ZNF671: variants seen among roughly 807,000 people sequenced by gnomAD.
ZNF671 encodes the protein hypothetical protein FLJ23506.
ZNF671 carries 19 observed loss-of-function variants against 16.6 expected under a neutral mutation model. That is an observed-to-expected ratio of 1.14 (90% CI 0.80 to 1.68). ZNF671 has a LOEUF of 1.68. Ranked by LOEUF, ZNF671 falls within the 40% of genes most tolerant of loss-of-function variation. The pLI, the probability that ZNF671 is intolerant of heterozygous loss-of-function variation, is 0.00. For synonymous variants in ZNF671, 238 were observed against 236.3 expected, an observed-to-expected ratio of 1.01 and a Z score of -0.06; for missense variants, 637 against 659.8, an observed-to-expected ratio of 0.97 and a Z score of 0.38.
chr19:57,724,645 C>T (rs900403194), intron 1 of ZNF671, among the ~76,000 whole-genome samples: 1 of 152,126 alleles, frequency 6.6e-6, no homozygotes, highest in African/African-American at 2.4e-5. Context: ...CCTGCCTCAG[C>T]CTCCCGAGTA....
chr19:57,721,284 G>C lies in ZNF671; in HGVS notation c.802C>G (p.Pro268Ala). The change falls in exon 4 of 4, where the codon CCC (proline) becomes GCC (alanine). Residue 268 changes from proline to alanine, a missense_variant. Physicochemically the swap from Pro to Ala is conservative, Grantham distance 27. Coordinates refer to ENST00000317398, the MANE Select transcript of ZNF671 (RefSeq NM_024833.3). The part of the protein sequence containing the change: ...QHQASLSSMK[P>A]HKSTKLVSGF... ...CTCACAAGCTTAGTGCTCTTGTGGG[G>C]CTTCATGCTGCTGAGAGAGGCCTGA... 6.3e-7 allele frequency: 1 copy of C among 1,592,748 alleles called. No homozygotes were observed. The highest frequency in any genetic ancestry group is 1.3e-5 in the African/African-American group (1 of 74,674).
chr19:57,720,515 A>G lies in ZNF671; in HGVS notation c.1571T>C (p.Leu524Pro). 1 of 1,614,204 alleles carries G rather than the reference A, an allele frequency of 6.2e-7. No homozygotes were observed. The highest frequency in any genetic ancestry group is 8.5e-7 in the Non-Finnish European group (1 of 1,179,986). Reference protein sequence around the residue: ...REFIRKQTLVLHQRVHAGEKL With the variant: ...REFIRKQTLVPHQRVHAGEKL ...TTCTCCAGCATGAACCCTCTGGTGC[A>G]GAACAAGTGTCTGTTTCCGGATGAA... The change falls in exon 4 of 4, where the codon CTG becomes CCG. Residue 524 changes from leucine (L) to proline (P), a missense_variant. Coordinates refer to ENST00000317398, the MANE Select transcript of ZNF671 (RefSeq NM_024833.3).
intron 1 of ZNF671, among the ~76,000 whole-genome samples, chr19:57,724,959 CAA>C (rs1883199518): frequency 6.6e-6 from 1 of 152,180 alleles, no homozygotes; most frequent in South Asian, 2.1e-4. Context: ...CCAGCTACAT[CAA>C]AAGAGTCTGG....
chr19:57,721,423 T>C lies in ZNF671; in HGVS notation c.663A>G (p.Pro221=). 6.2e-7 allele frequency: 1 copy of C among 1,614,236 alleles called. No homozygotes were observed. Among genetic ancestry groups the C allele is most frequent in the Non-Finnish European group, 8.5e-7 (1 of 1,180,044 alleles). ...QNQPNGGKLF[P]RKEGRDSVKS... is the part of the protein sequence containing the mutation. ...TCACAGAGTCTCTGCCCTCCTTCCT[T>C]GGGAAAAGTTTCCCTCCATTGGGCT... The change falls in exon 4 of 4, where the codon CCA becomes CCG. Residue 221 remains proline, a synonymous_variant. Transcript: ENST00000317398.
rs1268276290 is a variant in ZNF671, at chr19:57,722,903, AAAG to A, written c.265+308_265+310del. 5.9e-5 allele frequency among the ~76,000 whole-genome samples: 9 copies of A among 151,708 alleles called. No homozygotes were observed. In the East Asian group the frequency reaches 1.7e-3, roughly 29 times the overall value. On this transcript the variant is annotated intron_variant, in intron 2 of 3. Transcript: ENST00000317398. Reference sequence around the variant, plus strand: ...GAGCCAGACCCTGACTCAAAAAAAAAAAGAAAAGAAAATGTCACCTGGAGAAAG... The same window carrying A: ...GAGCCAGACCCTGACTCAAAAAAAAAAAAAGAAAATGTCACCTGGAGAAAG...
At chr19:57,727,237 T>G in intron 1 of ZNF671, 154 bp downstream of exon 1, 1 of 1,113,608 alleles carries the variant, frequency 9.0e-7, no homozygotes, top group Middle Eastern at 3.2e-4. Flanking sequence ...ACCTGCGCCG[T>G]CCCCTCCGCC....
chr19:57,721,502 C>G lies in ZNF671; in HGVS notation c.584G>C (p.Gly195Ala). 6.2e-7 allele frequency: 1 copy of G among 1,614,198 alleles called. No homozygotes were observed. The highest frequency in any genetic ancestry group is 8.5e-7 in the Non-Finnish European group (1 of 1,180,042). ...GKARQKPYLC[G>A]ACGKQFWFST... ...GAACCAGAATTGCTTTCCACATGCC[C>G]CACACAAGTATGGTTTCTGCCTGGC... Residue 195 changes from glycine to alanine, a missense_variant, in exon 4 of 4, where the codon GGG becomes GCG. Coordinates refer to ENST00000317398, the MANE Select transcript of ZNF671 (RefSeq NM_024833.3).
At chr19:57,723,149 C>T (rs1051662472) in intron 2 of ZNF671, 65 bp downstream of exon 2, 18 of 1,521,874 alleles carry the variant, frequency 1.2e-5, no homozygotes, top group South Asian at 3.9e-5. Context: ...GTGAAGGAAG[C>T]GGTGCTCATG....
At position 57,722,374 on chromosome 19, in the gene ZNF671, A is replaced by G. The variant is rs752232011; in HGVS notation, c.330T>C (p.Tyr110=). Residue 110 remains tyrosine, a synonymous_variant, in exon 3 of 4, where the codon TAT becomes TAC. Transcript: ENST00000317398. The part of the protein sequence containing the change: ...KLERGEEPWV[Y]DQVDMTSATE... ...TGGCTGAAGTCATATCCACCTGGTC[A>G]TACACCCAGGGCTCTTCTCCTCGCT... 6 of 1,614,004 alleles carry G rather than the reference A, an allele frequency of 3.7e-6. No individual in the cohort carries two copies. The East Asian group carries it at 6.7e-5, about 18-fold the overall frequency.
At chr19:57,723,726 C>G (rs1000287748) in intron 1 of ZNF671, among the ~76,000 whole-genome samples, 2 of 151,938 alleles carry the variant, frequency 1.3e-5, no homozygotes, top group South Asian at 4.2e-4. Context: ...AGCTTCCCCC[C>G]CACCCTACTG....
rs763910214 is a variant in ZNF671, at chr19:57,721,584, T to C, written c.502A>G (p.Ile168Val). 5.6e-6 allele frequency: 9 copies of C among 1,614,202 alleles called. No individual in the cohort carries two copies. Among genetic ancestry groups the C allele is most frequent in the Non-Finnish European group, 6.8e-6 (8 of 1,180,044 alleles). ...MAELESHPCDICGPILKDTLH... is the reference protein window; with the variant it reads ...MAELESHPCDVCGPILKDTLH... ...GTATCTTTCAATATTGGGCCACATA[T>C]GTCACATGGGTGAGACTCCAGCTCT... The change falls in exon 4 of 4, where the codon ATA (isoleucine) becomes GTA (valine). Residue 168 changes from isoleucine (I) to valine (V), a missense_variant. Transcript: ENST00000317398.
intron 2 of ZNF671, among the ~76,000 whole-genome samples, chr19:57,722,839 G>A (rs988453496): frequency 4.6e-5 from 7 of 151,998 alleles, no homozygotes; most frequent in Admixed American, 2.0e-4. Context: ...AGGTTGCAAT[G>A]AGCTGAGATC....
intron 2 of ZNF671, 129 bp from the exon 3 acceptor site, chr19:57,722,567 A>ACTATGTAAGTGC: frequency 7.0e-7 from 1 of 1,427,138 alleles, no homozygotes; most frequent in South Asian, 1.3e-5. Flanking sequence ...CCTATAAGTG[A>ACTATGTAAGTGC]CTATGTAAGT....
At position 57,720,477 on chromosome 19, in the gene ZNF671, A is replaced by C; in HGVS notation, c.*4T>G. ...TAAGACTTTCCCCCACATTTGCTAC[A>C]CTCTTAAAGCTTTTCTCCAGCATGA... On this transcript the variant is annotated 3_prime_UTR_variant, in exon 4 of 4. Coordinates refer to ENST00000317398, the MANE Select transcript of ZNF671 (RefSeq NM_024833.3). 1 of 1,606,992 alleles carries C rather than the reference A, an allele frequency of 6.2e-7. No homozygotes were observed.
chr19:57,727,369 G>T, intron 1 of ZNF671, 22 bp downstream of exon 1: 1 of 1,582,266 alleles, frequency 6.3e-7, no homozygotes, highest in Non-Finnish European at 8.6e-7. Flanking sequence ...GTGACTGAGG[G>T]CCCGGAGGAC....
rs777385377 is a variant in ZNF671 at position 57,720,716 on chromosome 19, CCA to C, written c.1368_1369del (p.Cys456TrpfsTer2). 24 of 1,614,208 alleles carry C rather than the reference CCA, an allele frequency of 1.5e-5. No homozygotes were observed. In the South Asian group the frequency reaches 2.6e-4, roughly 18 times the overall value. On this transcript the variant is annotated frameshift_variant, in exon 4 of 4. Transcript: ENST00000317398. LOFTEE classifies it low-confidence loss of function (END_TRUNC). ...TTTGGAGATGCAGCTGAAAGCTTTA[CCA>C]CATCTGCTACACTCATAATCACTGC...
chr19:57,724,076 A>T (rs1985968660), intron 1 of ZNF671, among the ~76,000 whole-genome samples: 2 of 150,518 alleles, frequency 1.3e-5, no homozygotes, highest in African/African-American at 4.9e-5. Context: ...GCCAACAATC[A>T]GTATCCCATC....
At position 57,720,944 on chromosome 19, in the gene ZNF671, T is replaced by A. The variant is rs148714900; in HGVS notation, c.1142A>T (p.Lys381Met). Residue 381 changes from lysine to methionine, a missense_variant, in exon 4 of 4, where the codon AAG becomes ATG. By Grantham distance (95) the Lys-to-Met change is moderately conservative. Coordinates refer to ENST00000317398, the MANE Select transcript of ZNF671 (RefSeq NM_024833.3). ...TTCCTGGTGTCGAATGAGATTAGAC[T>A]TACTGCTAAAAAATTTCCCACATTT... ...CGKCGKFFSS[K>M]SNLIRHQEVH... 1.9e-6 allele frequency: 3 copies of A among 1,614,024 alleles called. No homozygotes were observed. The highest frequency in any genetic ancestry group is 2.5e-6 in the Non-Finnish European group (3 of 1,180,034).
rs1336709246 is a variant in ZNF671, at chr19:57,722,112, C to CG, written c.388+203_388+204insC. ...AAATGTAGACAGAGAAGTGGTGAAACATGGGTGTAAGGTGAAGGCCAGAGG... is the reference window on the plus strand; with the variant it reads ...AAATGTAGACAGAGAAGTGGTGAAACGATGGGTGTAAGGTGAAGGCCAGAGG... On this transcript the variant is annotated intron_variant, in intron 3 of 3. Coordinates refer to ENST00000317398, the MANE Select transcript of ZNF671 (RefSeq NM_024833.3). 4.0e-6 allele frequency: 3 copies of CG among 745,892 alleles called. No individual in the cohort carries two copies. The African/African-American group carries it at 5.3e-5, about 13-fold the overall frequency. The allele number at this position is 745,892 out of a possible 1,614,324, so 46.2% of individuals were successfully genotyped here.
Sources: allele counts gnomAD v4.1 joint callset (sites outside exome capture counted in the v4.1 genomes callset), GRCh38; gene constraint gnomAD v4.1.1; transcripts MANE v1.5; gene names NCBI Gene and HGNC (gene_info 2026-07-23, HGNC 2026-07-21).